Variants in CAMTA1 observed in about 807,000 individuals in gnomAD.
CAMTA1 encodes the protein calmodulin-binding transcription activator 1.
CAMTA1 carries 27 observed loss-of-function variants against 170.9 expected under a neutral mutation model. The observed-to-expected ratio is 0.16, with a 90% CI of 0.12 to 0.22. CAMTA1 has a LOEUF of 0.22. Among genes scored for constraint, CAMTA1 ranks in the 10% least tolerant of loss-of-function variants. The pLI is 1.00. For synonymous variants in CAMTA1, 833 were observed against 891.5 expected (o/e 0.93, Z 1.17); for missense variants, 1,619 against 2,217.2 (o/e 0.73, Z 5.42).
At chr1:6,945,916 A>G (rs1263518987) in intron 3 of CAMTA1, among the ~76,000 whole-genome samples, 5 of 152,210 alleles carry the variant, frequency 3.3e-5, no homozygotes, top group Admixed American at 2.6e-4. Context: ...TCGACGGACA[A>G]TAGGTTTGCT....
At chr1:7,339,996 C>T (rs1329340061) in intron 5 of CAMTA1, among the ~76,000 whole-genome samples, 2 of 152,156 alleles carry the variant, frequency 1.3e-5, no homozygotes, top group Non-Finnish European at 2.9e-5. Context: ...GTCCCATAGC[C>T]AATGATAGGG....
intron 3 of CAMTA1, among the ~76,000 whole-genome samples, chr1:6,932,556 T>C (rs1432839093): frequency 6.6e-6 from 1 of 152,252 alleles, no homozygotes; most frequent in Admixed American, 6.5e-5. Context: ...GGCCGGATCA[T>C]ATGGAAACTG....
At chr1:7,662,775 G>A (rs2095971798) in intron 8 of CAMTA1, among the ~76,000 whole-genome samples, 1 of 152,164 alleles carries the variant, frequency 6.6e-6, no homozygotes, top group Non-Finnish European at 1.5e-5. Context: ...CTGGAGCAGG[G>A]TCGAGAACCC....
chr1:6,810,211 G>A (rs1570288167), intron 1 of CAMTA1, among the ~76,000 whole-genome samples: 1 of 152,140 alleles, frequency 6.6e-6, no homozygotes, highest in Non-Finnish European at 1.5e-5. Flanking sequence ...CCAGGACTGG[G>A]CTCACCTTGG....
chr1:7,082,658 AT>A (rs1449810433), intron 3 of CAMTA1, among the ~76,000 whole-genome samples: 2 of 151,962 alleles, frequency 1.3e-5, no homozygotes, highest in Non-Finnish European at 2.9e-5. Flanking sequence ...TCATTACTTT[AT>A]ATTACTCAGA....
At chr1:7,704,757 TC>T (rs1032143244) in intron 11 of CAMTA1, among the ~76,000 whole-genome samples, 8 of 147,006 alleles carry the variant, frequency 5.4e-5, no homozygotes, top group Non-Finnish European at 1.1e-4. Context: ...CGCGAGTCGT[TC>T]CAGCTGCGGC....
chr1:7,766,627 C>T lies in CAMTA1; in HGVS notation c.*136C>T. The T allele has an allele frequency of 1.4e-6, 1 of 736,572 alleles. No homozygotes were observed. Among genetic ancestry groups the T allele is most frequent in the East Asian group, 2.7e-5 (1 of 36,502 alleles). 45.6% of individuals were successfully genotyped at this position (736,572 alleles called of 1,614,324 possible). A position where few individuals can be genotyped will look rare whatever the true frequency, so the allele number is the denominator to read the frequency against. On this transcript the variant is annotated 3_prime_UTR_variant, in exon 23 of 23. Transcript: ENST00000303635. Reference sequence around the variant, plus strand: ...CACACGTACACACACATACAAAATCCCTCTGCAGTTTTGGGGAGATCAGCT... The same window carrying T: ...CACACGTACACACACATACAAAATCTCTCTGCAGTTTTGGGGAGATCAGCT...
chr1:6,821,822 A>C lies in CAMTA1; in HGVS notation c.115+1572A>C, dbSNP rs372490011. On this transcript the variant is annotated intron_variant, in intron 2 of 22. Transcript: ENST00000303635. Reference sequence around the variant, plus strand: ...GTGAATCTCATTTTTTTGAAACAAAACATGAAAACAGTAATTCTGCTTTTT... The same window carrying C: ...GTGAATCTCATTTTTTTGAAACAAACCATGAAAACAGTAATTCTGCTTTTT... Among the ~76,000 whole-genome samples, 19 of 152,284 alleles carry C rather than the reference A, an allele frequency of 1.2e-4. No individual in the cohort carries two copies. In the East Asian group the frequency reaches 3.5e-3, roughly 28 times the overall value.
At position 7,443,174 on chromosome 1, in the gene CAMTA1, G is replaced by A. The variant is rs919850611; in HGVS notation, c.439-24656G>A. The stretch of plus-strand genomic sequence containing the variant: ...TGACGGCTGCAAAGCATAAGGCTTC[G>A]GGTTCCCAGCTCAGTCACACATAAG... On this transcript the variant is annotated intron_variant, in intron 5 of 22. Coordinates refer to ENST00000303635, the MANE Select transcript of CAMTA1 (RefSeq NM_015215.4). This position sits in a 1 kb window ranked among gnomAD's most constrained non-coding sequence, Gnocchi z 4.1. 6.6e-6 allele frequency among the ~76,000 whole-genome samples: 1 copy of A among 152,200 alleles called. No homozygotes were observed. The highest frequency in any genetic ancestry group is 6.5e-5 in the Admixed American group (1 of 15,280).
intron 5 of CAMTA1, among the ~76,000 whole-genome samples, chr1:7,335,725 C>G (rs916110108): frequency 1.3e-5 from 2 of 149,540 alleles, no homozygotes; most frequent in African/African-American, 4.9e-5. Context: ...ACTTACAGTG[C>G]AGGAATTTTG....
At chr1:7,559,445 T>C (rs2094927490) in intron 6 of CAMTA1, among the ~76,000 whole-genome samples, 1 of 152,186 alleles carries the variant, frequency 6.6e-6, no homozygotes, top group African/African-American at 2.4e-5. Flanking sequence ...GCAACAGTGA[T>C]TGATGGTTTA....
At chr1:7,530,918 A>G (rs2094485632) in intron 6 of CAMTA1, among the ~76,000 whole-genome samples, 1 of 148,534 alleles carries the variant, frequency 6.7e-6, no homozygotes. Context: ...GGGTTCAAGC[A>G]ATTCTCCTGC....
At chr1:7,758,718 G>A (rs1468141051) in intron 22 of CAMTA1, among the ~76,000 whole-genome samples, 1 of 152,046 alleles carries the variant, frequency 6.6e-6, no homozygotes, top group African/African-American at 2.4e-5. Flanking sequence ...GGCGGATCAC[G>A]AGGTCAGGAG....
chr1:6,877,276 G>C (rs1044673704), intron 3 of CAMTA1, among the ~76,000 whole-genome samples: 1 of 152,158 alleles, frequency 6.6e-6, no homozygotes, highest in Non-Finnish European at 1.5e-5. Context: ...TGTGAAAGTC[G>C]GGAAGCTTTG....
In CAMTA1 at chr1:7,633,874, G is replaced by A. The variant is rs1485486832; in HGVS notation, c.511-6526G>A. ...AGGCAAGGTGGGCACTGTTGTCAACGGGGTTGCTGAATGAGGTTTCCACAA... is the reference window on the plus strand; with the variant it reads ...AGGCAAGGTGGGCACTGTTGTCAACAGGGTTGCTGAATGAGGTTTCCACAA... On this transcript the variant is annotated intron_variant, in intron 6 of 22. Coordinates refer to ENST00000303635, the MANE Select transcript of CAMTA1 (RefSeq NM_015215.4). This position sits in a 1 kb window ranked among gnomAD's most constrained non-coding sequence, Gnocchi z 4.1. Among the ~76,000 whole-genome samples, 3 of 152,226 alleles carry A rather than the reference G, an allele frequency of 2.0e-5. No individual in the cohort carries two copies. The highest frequency in any genetic ancestry group is 1.9e-4 in the East Asian group (1 of 5,192).
intron 3 of CAMTA1, among the ~76,000 whole-genome samples, chr1:6,847,990 T>C (rs1295342230): frequency 6.6e-6 from 1 of 151,496 alleles, no homozygotes; most frequent in Admixed American, 6.6e-5. Context: ...GGATTACAGG[T>C]ATGAGCCTCC....
At chr1:6,878,707 C>T (rs1412720883) in intron 3 of CAMTA1, among the ~76,000 whole-genome samples, 3 of 152,252 alleles carry the variant, frequency 2.0e-5, no homozygotes, top group African/African-American at 7.2e-5. Flanking sequence ...GTTCCGTTGC[C>T]ATCAGCAGGA....
intron 5 of CAMTA1, among the ~76,000 whole-genome samples, chr1:7,359,824 C>T (rs1337340540): frequency 5.5e-4 from 84 of 152,082 alleles, no homozygotes; most frequent in African/African-American, 9.7e-5. Context: ...GTGGGGTCTG[C>T]GTGGGGTTTT....
intron 5 of CAMTA1, among the ~76,000 whole-genome samples, chr1:7,365,206 T>C (rs1418491): frequency 0.19 from 25,425 of 135,214 alleles, 2,881 homozygotes; most frequent in East Asian, 0.57. Flanking sequence ...CTGGAGGCCT[T>C]TGAGCAGCAA....
Sources: gnomAD v4.1 joint callset for allele counts (sites outside exome capture counted in the v4.1 genomes callset) on GRCh38, gnomAD v4.1.1 for gene constraint, Gnocchi (gnomAD v3.1) non-coding constraint, MANE v1.5 for transcripts, NCBI Gene and HGNC (gene_info 2026-07-23, HGNC 2026-07-21) for gene names.